The following CDK5RAP1 variants were observed in gnomAD, a reference collection of about 807,000 sequenced individuals.
CDK5RAP1 encodes mitochondrial tRNA methylthiotransferase CDK5RAP1.
In CDK5RAP1, 62 loss-of-function variants were observed where a neutral mutation model predicts 64.5. The observed-to-expected ratio is 0.96, with a 90% CI of 0.78 to 1.19. The LOEUF (loss-of-function observed/expected upper bound fraction) is 1.19. Ranked by LOEUF, CDK5RAP1 falls within the 50% of genes most tolerant of loss-of-function variation. The pLI is 0.00. For missense variants in CDK5RAP1, 657 were observed against 735.0 expected (o/e 0.89, Z 1.23); for synonymous variants, 250 against 261.9 (o/e 0.95, Z 0.44).
chr20:33,394,827 C>T (rs1345055568), intron 3 of CDK5RAP1, among the ~76,000 whole-genome samples, 186 bp downstream of exon 3: 1 of 152,178 alleles, frequency 6.6e-6, no homozygotes, highest in African/African-American at 2.4e-5. Flanking sequence ...TGAAGGCGCA[C>T]ATCACCATAA....
intron 8 of CDK5RAP1, among the ~76,000 whole-genome samples, chr20:33,378,825 C>T (rs1245461961): frequency 6.6e-6 from 1 of 152,112 alleles, no homozygotes; most frequent in Non-Finnish European, 1.5e-5. Flanking sequence ...ACCACCATTA[C>T]CGCCCCACCA....
In CDK5RAP1 at chr20:33,401,395, T is replaced by TGCGCA. The variant is rs1386293914; in HGVS notation, c.-21+28_-21+32dup. On this transcript the variant is annotated intron_variant, in intron 1 of 13. Coordinates refer to ENST00000346416, the MANE Select transcript of CDK5RAP1 (RefSeq NM_016408.4). ...GCCCCAGGCGCCAGTCAAAAGCGGGTGCGCAGCCCACCCCGGCGGCCGCGC... is the reference window on the plus strand; with the variant it reads ...GCCCCAGGCGCCAGTCAAAAGCGGGTGCGCAGCGCAGCCCACCCCGGCGGCCGCGC... The TGCGCA allele has an allele frequency of 7.1e-6, 7 of 985,216 alleles. No homozygotes were observed. The African/African-American group carries it at 1.2e-4, about 17-fold the overall frequency. The allele number at this position is 985,216 out of a possible 1,614,324, so 61.0% of individuals were successfully genotyped here.
chr20:33,390,502 G>A (rs113577060), intron 5 of CDK5RAP1, among the ~76,000 whole-genome samples: 20 of 152,174 alleles, frequency 1.3e-4, no homozygotes, highest in African/African-American at 4.8e-4. Flanking sequence ...TGGATATGTA[G>A]TCTCAGTTTG....
At chr20:33,376,691 A>G (rs1986037092) in intron 8 of CDK5RAP1, among the ~76,000 whole-genome samples, 2 of 152,210 alleles carry the variant, frequency 1.3e-5, no homozygotes, top group Non-Finnish European at 2.9e-5. Flanking sequence ...TTTAGTTTAT[A>G]TAAGATCAAT....
chr20:33,392,170 G>A lies in CDK5RAP1; in HGVS notation c.516C>T (p.Ser172=), dbSNP rs755081063. Residue 172 remains serine, a synonymous_variant, in exon 5 of 14, where the codon TCC becomes TCT. Transcript: ENST00000346416. ...LKALKTRRPR[S]RVPLRIGILG... ...GAATTCCAATCCTCAGAGGAACCCG[G>A]GAGCGGGGCCGCCTTGTCTTCAAGG... The A allele has an allele frequency of 6.8e-6, 11 of 1,613,024 alleles. No homozygotes were observed. The highest frequency in any genetic ancestry group is 6.7e-5 in the East Asian group (3 of 44,884).
intron 2 of CDK5RAP1, among the ~76,000 whole-genome samples, chr20:33,396,536 G>C (rs557120025): frequency 6.6e-6 from 1 of 152,154 alleles, no homozygotes; most frequent in Non-Finnish European, 1.5e-5. Flanking sequence ...CTGGGCTCAA[G>C]CAATCCACCC....
At chr20:33,392,279 T>A in intron 4 of CDK5RAP1, 37 bp from the exon 5 acceptor site, 3 of 1,317,660 alleles carry the variant, frequency 2.3e-6, no homozygotes, top group Non-Finnish European at 3.2e-6. Flanking sequence ...GAACCAAAAA[T>A]AAACCACAGA....
At chr20:33,362,761 C>T (rs12480639) in intron 12 of CDK5RAP1, among the ~76,000 whole-genome samples, 3,277 of 152,178 alleles carry the variant, frequency 0.022, 237 homozygotes, top group Admixed American at 0.14. Flanking sequence ...GTGAGTGGTA[C>T]CCAGTTTGGG....
chr20:33,369,911 G>A (rs933307202), intron 11 of CDK5RAP1, among the ~76,000 whole-genome samples: 3 of 152,210 alleles, frequency 2.0e-5, no homozygotes, highest in African/African-American at 7.2e-5. Flanking sequence ...AGGTGACTGA[G>A]GGAATGAGGA....
chr20:33,386,012 C>G (rs984526911), intron 6 of CDK5RAP1, among the ~76,000 whole-genome samples: 5 of 152,174 alleles, frequency 3.3e-5, no homozygotes, highest in Non-Finnish European at 1.5e-5. Flanking sequence ...CCTGAGGAAG[C>G]ACAGCGGTGA....
At chr20:33,370,403 G>A in intron 11 of CDK5RAP1, 96 bp downstream of exon 11, 1 of 1,312,496 alleles carries the variant, frequency 7.6e-7, no homozygotes, top group East Asian at 2.3e-5. Context: ...CTCAAGGACT[G>A]CCTTGCCGCC....
rs1986511297 is a variant in CDK5RAP1, at chr20:33,379,781, CTT to C, written c.877-92_877-91del. 3 of 982,156 alleles carry C rather than the reference CTT, an allele frequency of 3.1e-6. No homozygotes were observed. The South Asian group carries it at 4.9e-5, about 16-fold the overall frequency. 60.8% of individuals were successfully genotyped at this position (982,156 alleles called of 1,614,324 possible). ...TAAAAATTAGCTGAAATTAACATAT[CTT>C]TTGTTTTAAACAAAAGAAAAATCGA... On this transcript the variant is annotated intron_variant, in intron 7 of 13. Transcript: ENST00000346416.
chr20:33,385,816 TG>T, intron 6 of CDK5RAP1, 46 bp from the exon 7 acceptor site: 2 of 1,573,952 alleles, frequency 1.3e-6, no homozygotes, highest in Non-Finnish European at 1.7e-6. Flanking sequence ...CAGGGTGTGC[TG>T]GTATGACCCA....
At chr20:33,393,852 C>T (rs552904120) in intron 4 of CDK5RAP1, among the ~76,000 whole-genome samples, 180 bp downstream of exon 4, 46 of 152,180 alleles carry the variant, frequency 3.0e-4, no homozygotes, top group Non-Finnish European at 5.7e-4. Flanking sequence ...CCTGACACCA[C>T]GGTACATGCC....
chr20:33,387,175 G>C (rs1211139375), intron 6 of CDK5RAP1, 148 bp downstream of exon 6: 5 of 626,628 alleles, frequency 8.0e-6, no homozygotes, highest in Non-Finnish European at 1.1e-5. Context: ...ACTAAAGCAA[G>C]AGCCCAGGAG....
intron 7 of CDK5RAP1, chr20:33,383,402 G>A (rs995453916): frequency 5.3e-5 from 8 of 151,792 alleles, no homozygotes; most frequent in African/African-American, 1.9e-4. Context: ...GAGATCAGGA[G>A]TTTGAGACCA....
At chr20:33,363,363 G>A (rs1406963182) in intron 12 of CDK5RAP1, among the ~76,000 whole-genome samples, 1 of 152,100 alleles carries the variant, frequency 6.6e-6, no homozygotes, top group African/African-American at 2.4e-5. Context: ...ACTTACATGG[G>A]GTCTCAGGAT....
intron 8 of CDK5RAP1, among the ~76,000 whole-genome samples, chr20:33,378,305 AAC>A (rs1986280182): frequency 6.6e-6 from 1 of 152,182 alleles, no homozygotes; most frequent in South Asian, 2.1e-4. Flanking sequence ...CCGTCTGTGG[AAC>A]AGTCAGAACA....
intron 10 of CDK5RAP1, among the ~76,000 whole-genome samples, chr20:33,371,080 G>A (rs1031627115): frequency 3.9e-5 from 6 of 152,202 alleles, no homozygotes; most frequent in African/African-American, 1.4e-4. Context: ...GATCACTTGA[G>A]GTCAGGAGTT....
Sources: gnomAD v4.1 joint callset for allele counts (sites outside exome capture counted in the v4.1 genomes callset) on GRCh38, gnomAD v4.1.1 for gene constraint, MANE v1.5 for transcripts, NCBI Gene and HGNC (gene_info 2026-07-23, HGNC 2026-07-21) for gene names.